The following CLN6 variants were observed in gnomAD, a reference collection of about 807,000 sequenced individuals.
The protein encoded by CLN6 is CLN6 transmembrane ER protein, also known as ceroid-lipofuscinosis neuronal protein 6.
A neutral mutation model predicts 33.3 loss-of-function variants in CLN6; 22 were observed. The observed-to-expected ratio is 0.66, with a 90% CI of 0.47 to 0.94. The LOEUF (loss-of-function observed/expected upper bound fraction) is 0.94. Among genes scored for constraint, CLN6 ranks in the 40% least tolerant of loss-of-function variants. The probability of loss-of-function intolerance (pLI) is 0.00; values close to 1 mark genes in which losing one functional copy is unlikely to be tolerated. For missense variants in CLN6, 387 were observed against 417.1 expected (o/e 0.93, Z 0.63); for synonymous variants, 201 against 174.6 (o/e 1.15, Z -1.19).
chr15:68,212,186 C>G, intron 3 of CLN6: 1 of 365,882 alleles, frequency 2.7e-6, no homozygotes, highest in Non-Finnish European at 5.1e-6. Context: ...GGAGTCCAGG[C>G]TCAGGCCCAG....
chr15:68,212,056 A>T (rs1202673665), intron 3 of CLN6, 193 bp from the exon 4 acceptor site: 1 of 613,800 alleles, frequency 1.6e-6, no homozygotes, highest in Non-Finnish European at 2.9e-6. Context: ...CCCGGAGGGA[A>T]TGTGGAGCAG....
At chr15:68,230,439 C>T (rs370623190), upstream of CLN6, among the ~76,000 whole-genome samples, 1 of 152,076 alleles carries the variant, frequency 6.6e-6, no homozygotes, top group East Asian at 1.9e-4. The surrounding 1 kb of genome is among the most constrained non-coding windows in gnomAD (Gnocchi z 4.0). Context: ...TGGACAGGCT[C>T]GTGAGTCACC....
rs1188988437 is a variant in CLN6 at position 68,235,632 on chromosome 15, ATC to A, written c.180-16984_180-16983del. The stretch of plus-strand genomic sequence containing the variant: ...TATATATATATATATATATATATAT[ATC>A]GATTAATCGATGGAATACATAGGGC... On this transcript the variant is annotated intron_variant, in intron 1 of 6. Transcript: ENST00000538696. Among the ~76,000 whole-genome samples the A allele has an allele frequency of 2.0e-3, 244 of 124,372 alleles. 2 individuals carry two copies. The highest frequency in any genetic ancestry group is 7.3e-3 in the African/African-American group (228 of 31,198). 81.6% of individuals were successfully genotyped at this position (124,372 alleles called of 152,430 possible).
rs201095412 is a variant in CLN6, at chr15:68,211,854, G to A, written c.307C>T (p.Arg103Trp). 1.6e-5 allele frequency: 26 copies of A among 1,613,470 alleles called. No homozygotes were observed. In the East Asian group the frequency reaches 2.9e-4, roughly 18 times the overall value. The change falls in exon 4 of 7, where the codon CGG (arginine) becomes TGG (tryptophan). Residue 103 changes from arginine (R) to tryptophan (W), a missense_variant. Physicochemically the swap from Arg to Trp is moderately radical, Grantham distance 101 (BLOSUM62 -3). Transcript: ENST00000249806. The surrounding 1 kb of genome is among the most constrained non-coding windows in gnomAD (Gnocchi z 5.9). Reference sequence around the variant, plus strand: ...GAGCGTGGCAGGGTGCGGGGGGACCGCTCGATGAGCTGGGGTTCAGAGTGG... The same window carrying A: ...GAGCGTGGCAGGGTGCGGGGGGACCACTCGATGAGCTGGGGTTCAGAGTGG... ...TPFLLLKLIE[R>W]SPRTLPRSIT...
Position 68,210,246 on chromosome 15 carries a change from C to T in CLN6, c.543-487G>A, listed in dbSNP as rs570059616. Reference sequence around the variant, plus strand: ...AGACACCTCACCCCAAAATACTACCCTCTCCCCTCTCCACACACCGGCTCC... The same window carrying T: ...AGACACCTCACCCCAAAATACTACCTTCTCCCCTCTCCACACACCGGCTCC... On this transcript the variant is annotated intron_variant, in intron 5 of 6. Coordinates refer to ENST00000249806, the MANE Select transcript of CLN6 (RefSeq NM_017882.3). The surrounding 1 kb of genome is among the most constrained non-coding windows in gnomAD (Gnocchi z 5.6). Among the ~76,000 whole-genome samples, 3 of 151,996 alleles carry T rather than the reference C, an allele frequency of 2.0e-5. No individual in the cohort carries two copies. The highest frequency in any genetic ancestry group is 3.9e-4 in the East Asian group (2 of 5,158).
intron 1 of CLN6, among the ~76,000 whole-genome samples, chr15:68,253,190 G>C (rs1287023425): frequency 6.6e-6 from 1 of 152,214 alleles, no homozygotes; most frequent in Non-Finnish European, 1.5e-5. Flanking sequence ...CTTTCTAGCA[G>C]CATTCTAATT....
At chr15:68,249,149 CTT>C (rs1347241860) in intron 1 of CLN6, among the ~76,000 whole-genome samples, 2 of 152,110 alleles carry the variant, frequency 1.3e-5, no homozygotes, top group Admixed American at 6.5e-5. Flanking sequence ...GTTCGAATGA[CTT>C]TTATCAAAAA....
chr15:68,226,492 G>A (rs1366644363), intron 1 of CLN6, among the ~76,000 whole-genome samples: 1 of 151,850 alleles, frequency 6.6e-6, no homozygotes, highest in Non-Finnish European at 1.5e-5. Context: ...TTGAGACGGA[G>A]TCTCACTCTT....
At chr15:68,239,132 A>C (rs577773914) in intron 1 of CLN6, among the ~76,000 whole-genome samples, 140 of 152,304 alleles carry the variant, frequency 9.2e-4, no homozygotes, top group African/African-American at 3.3e-3. Context: ...TACCAGTAAA[A>C]AGTAAAATAG....
In CLN6 at chr15:68,236,232, A is replaced by G. The variant is rs1892218847; in HGVS notation, c.180-17582T>C. ...AAACTGTTAAATACAGAGTTAGTACATGACCCAGCAACTCTGCTTTTAGGT... is the reference window on the plus strand; with the variant it reads ...AAACTGTTAAATACAGAGTTAGTACGTGACCCAGCAACTCTGCTTTTAGGT... On this transcript the variant is annotated intron_variant, in intron 1 of 6. Coordinates refer to the CLN6 transcript ENST00000538696. This position sits in a 1 kb window ranked among gnomAD's most constrained non-coding sequence, Gnocchi z 4.5. Among the ~76,000 whole-genome samples the G allele has an allele frequency of 6.6e-6, 1 of 152,256 alleles. No homozygotes were observed.
intron 1 of CLN6, among the ~76,000 whole-genome samples, chr15:68,237,863 G>T (rs889832420): frequency 6.6e-6 from 1 of 152,194 alleles, no homozygotes. Context: ...GGTGGCGCAC[G>T]CCTGTAATCC....
intron 1 of CLN6, among the ~76,000 whole-genome samples, chr15:68,224,265 CAAAAAAAAAA>C (rs34196710): frequency 4.3e-5 from 2 of 46,732 alleles, no homozygotes; most frequent in African/African-American, 2.5e-4. Context: ...GACCTTATTG[CAAAAAAAAAA>C]AAAAAAAAAA....
chr15:68,235,994 T>C (rs1197623828), intron 1 of CLN6, among the ~76,000 whole-genome samples: 1 of 152,228 alleles, frequency 6.6e-6, no homozygotes, highest in East Asian at 1.9e-4. Context: ...CCTAAGCTTT[T>C]TGGTTATTGA....
chr15:68,248,232 G>A (rs1892345349), intron 1 of CLN6: 1 of 150,052 alleles, frequency 6.7e-6, no homozygotes, highest in South Asian at 2.1e-4. Flanking sequence ...TATACAATGG[G>A]AAAGGATAGT....
At chr15:68,252,330 A>C (rs1026074892) in intron 1 of CLN6, among the ~76,000 whole-genome samples, 1 of 152,180 alleles carries the variant, frequency 6.6e-6, no homozygotes, top group Admixed American at 6.5e-5. Flanking sequence ...AGCAAAATAC[A>C]TGAATAGGCA....
rs1364806662 is a variant in CLN6, at chr15:68,220,937, C to T, written c.84-2287G>A. Among the ~76,000 whole-genome samples the T allele has an allele frequency of 6.6e-6, 1 of 152,066 alleles. No homozygotes were observed. The highest frequency in any genetic ancestry group is 1.5e-5 in the Non-Finnish European group (1 of 68,004). On this transcript the variant is annotated intron_variant, in intron 1 of 6. Transcript: ENST00000249806. This position sits in a 1 kb window ranked among gnomAD's most constrained non-coding sequence, Gnocchi z 4.2. ...GCCTCCCAGGCTCAAGCATTCCTTC[C>T]ACCTCAGTCTCCTGAGTAACTGGGA...
rs566677971 is a variant in CLN6, at chr15:68,228,098, T to C, written c.83+1404A>G. On this transcript the variant is annotated intron_variant, in intron 1 of 6. Transcript: ENST00000249806. This position sits in a 1 kb window ranked among gnomAD's most constrained non-coding sequence, Gnocchi z 4.4. ...GCCTATTTCCTCATCAGTAAAATAA[T>C]ACTTAACTCACAGGCCGAGGGAGAC... Among the ~76,000 whole-genome samples the C allele has an allele frequency of 3.5e-4, 54 of 152,272 alleles. No homozygotes were observed. Among genetic ancestry groups the C allele is most frequent in the Admixed American group, 6.5e-4 (10 of 15,306 alleles).
At chr15:68,240,640 G>A (rs1892272148) in intron 1 of CLN6, among the ~76,000 whole-genome samples, 1 of 151,416 alleles carries the variant, frequency 6.6e-6, no homozygotes, top group South Asian at 2.1e-4. Context: ...AACAAGCCAG[G>A]GGAGGGCCAG....
chr15:68,235,632 A>C (rs1892214104), intron 1 of CLN6, among the ~76,000 whole-genome samples: 1 of 124,416 alleles, frequency 8.0e-6, no homozygotes, highest in Non-Finnish European at 1.7e-5. Flanking sequence ...ATATATATAT[A>C]TCGATTAATC....
Sources: allele counts gnomAD v4.1 joint callset (sites outside exome capture counted in the v4.1 genomes callset), GRCh38; gene constraint gnomAD v4.1.1; non-coding constraint Gnocchi (gnomAD v3.1); transcripts MANE v1.5; gene names NCBI Gene and HGNC (gene_info 2026-07-23, HGNC 2026-07-21).